The following OS9 variants were observed in gnomAD, a reference collection of about 807,000 sequenced individuals.
OS9 encodes the protein OS9 endoplasmic reticulum lectin, also known as protein OS-9.
OS9 carries 58 observed loss-of-function variants against 84.7 expected under a neutral mutation model. The observed-to-expected ratio is 0.68, with a 90% confidence interval of 0.55 to 0.85. The LOEUF (loss-of-function observed/expected upper bound fraction) is 0.85, where lower values mean the gene tolerates loss of function less well. Among genes scored for constraint, OS9 ranks in the 40% least tolerant of loss-of-function variants. The pLI is 0.00. For missense variants in OS9, 760 were observed against 850.9 expected (o/e 0.89, Z 1.33); for synonymous variants, 278 against 320.8 (o/e 0.87, Z 1.43).
intron 7 of OS9, 36 bp downstream of exon 7, chr12:57,716,229 T>G: frequency 7.5e-7 from 1 of 1,331,768 alleles, no homozygotes; most frequent in Non-Finnish European, 1.1e-6. Flanking sequence ...TGAAACTCAC[T>G]TCCATTTCTT....
At chr12:57,713,905 C>T (rs1280011461) in intron 5 of OS9, among the ~76,000 whole-genome samples, 1 of 151,678 alleles carries the variant, frequency 6.6e-6, no homozygotes, top group African/African-American at 2.4e-5. Context: ...TGCTTGAGCC[C>T]TGGAAAGCCT....
At chr12:57,698,967 G>A (rs1455763218) in intron 5 of OS9, among the ~76,000 whole-genome samples, 2 of 152,200 alleles carry the variant, frequency 1.3e-5, no homozygotes, top group African/African-American at 4.8e-5. Context: ...AGCAAAGATT[G>A]AGAGCTCACT....
chr12:57,702,540 G>A (rs1401231334), intron 5 of OS9, among the ~76,000 whole-genome samples: 1 of 152,164 alleles, frequency 6.6e-6, no homozygotes, highest in African/African-American at 2.4e-5. Flanking sequence ...GATGAACATT[G>A]GTGTACAAGT....
At chr12:57,718,117 G>A in intron 10 of OS9, 29 bp from the exon 11 acceptor site, 1 of 1,604,356 alleles carries the variant, frequency 6.2e-7, no homozygotes, top group Non-Finnish European at 8.5e-7. Flanking sequence ...AACCCCAACT[G>A]TCTTTCTCCC....
intron 5 of OS9, among the ~76,000 whole-genome samples, chr12:57,697,483 T>C (rs1215765315): frequency 6.6e-6 from 1 of 152,210 alleles, no homozygotes; most frequent in Non-Finnish European, 1.5e-5. Flanking sequence ...TGGGATAGAA[T>C]CATGGATTAC....
chr12:57,696,466 G>GTT, intron 5 of OS9, 93 bp downstream of exon 5: 1 of 522,154 alleles, frequency 1.9e-6, no homozygotes, highest in Non-Finnish European at 3.4e-6. Context: ...GCGGGGGCGG[G>GTT]GGGGGTCCCC....
rs929269498 is a variant in OS9, at chr12:57,710,988, G to A, written c.580-4772G>A. Among the ~76,000 whole-genome samples the A allele has an allele frequency of 6.1e-5, 8 of 130,196 alleles. No individual in the cohort carries two copies. The South Asian group carries it at 1.2e-3, about 20-fold the overall frequency. 85.4% of individuals were successfully genotyped at this position (130,196 alleles called of 152,430 possible). Reference sequence around the variant, plus strand: ...CAGGAGGCAGAGGTTGCAGTGAGCCGAGATCACACCACTATGCTCCAGCCT... The same window carrying A: ...CAGGAGGCAGAGGTTGCAGTGAGCCAAGATCACACCACTATGCTCCAGCCT... On this transcript the variant is annotated intron_variant, in intron 5 of 14. Transcript: ENST00000315970.
At chr12:57,700,733 G>A (rs1390377211) in intron 5 of OS9, among the ~76,000 whole-genome samples, 2 of 151,590 alleles carry the variant, frequency 1.3e-5, no homozygotes, top group Admixed American at 6.6e-5. Context: ...GGATGTTAGC[G>A]GAAAGGAGGA....
At chr12:57,716,016 G>A in intron 6 of OS9, 46 bp downstream of exon 6, 1 of 1,600,266 alleles carries the variant, frequency 6.2e-7, no homozygotes, top group Non-Finnish European at 8.6e-7. Flanking sequence ...TACGGGGGCA[G>A]GGGGTGGCAA....
intron 5 of OS9, among the ~76,000 whole-genome samples, chr12:57,701,774 G>A (rs923782168): frequency 7.0e-6 from 1 of 142,956 alleles, no homozygotes; most frequent in African/African-American, 2.5e-5. Flanking sequence ...TGTTATTGGT[G>A]AATTCAATTT....
In OS9 at chr12:57,701,262, ATTTTTTTTTTTTTTTTT is replaced by A. The variant is rs556973162; in HGVS notation, c.579+4904_579+4920del. Among the ~76,000 whole-genome samples, 195 of 71,482 alleles carry A rather than the reference ATTTTTTTTTTTTTTTTT, an allele frequency of 2.7e-3. 1 individual carries two copies. The highest frequency in any genetic ancestry group is 0.014 in the South Asian group (22 of 1,584). The allele number at this position is 71,482 out of a possible 152,430, so 46.9% of individuals were successfully genotyped here. A position where few individuals can be genotyped will look rare whatever the true frequency, so the allele number is the denominator to read the frequency against. On this transcript the variant is annotated intron_variant, in intron 5 of 14. Coordinates refer to ENST00000315970, the MANE Select transcript of OS9 (RefSeq NM_006812.4). ...CATGACATGGAACTCTGGTTGAGTG[ATTTTTTTTTTTTTTTTT>A]TTTTTTTTTTTTTTGAGACAGAGTC...
intron 5 of OS9, among the ~76,000 whole-genome samples, chr12:57,706,680 C>T (rs1954177133): frequency 6.6e-6 from 1 of 151,274 alleles, no homozygotes; most frequent in African/African-American, 2.4e-5. Context: ...ACTCCTGTCT[C>T]TCAAAAAAAA....
intron 5 of OS9, among the ~76,000 whole-genome samples, chr12:57,700,020 G>T (rs368630734): frequency 6.6e-6 from 1 of 152,086 alleles, no homozygotes; most frequent in Non-Finnish European, 1.5e-5. Flanking sequence ...GCTTGAACCC[G>T]GGAGGCGGAG....
intron 5 of OS9, among the ~76,000 whole-genome samples, chr12:57,707,918 C>T (rs1954217543): frequency 6.7e-6 from 1 of 148,598 alleles, no homozygotes; most frequent in African/African-American, 2.4e-5. Flanking sequence ...CAGTGAGACC[C>T]TGTCTCTATG....
intron 5 of OS9, among the ~76,000 whole-genome samples, chr12:57,707,294 C>A (rs1954198912): frequency 6.6e-6 from 1 of 152,066 alleles, no homozygotes; most frequent in Non-Finnish European, 1.5e-5. Context: ...TAAAGAAATA[C>A]CTGTGACTGG....
At chr12:57,708,137 A>T (rs910256926) in intron 5 of OS9, among the ~76,000 whole-genome samples, 3 of 152,156 alleles carry the variant, frequency 2.0e-5, no homozygotes, top group African/African-American at 7.2e-5. Flanking sequence ...CTGAATAGGC[A>T]TAATCACATT....
chr12:57,701,937 C>T (rs1475822911), intron 5 of OS9, among the ~76,000 whole-genome samples: 4 of 152,088 alleles, frequency 2.6e-5, no homozygotes, highest in African/African-American at 9.7e-5. Flanking sequence ...GCTGGGACTA[C>T]AGGCGCCTGC....
At position 57,720,946 on chromosome 12, in the gene OS9, C is replaced by A; in HGVS notation, c.*37C>A. ...CACTTGACCCTTCACGGAATCCAGA[C>A]TCTTCCTGGACTGGCTTGCCTCCTC... On this transcript the variant is annotated 3_prime_UTR_variant, in exon 15 of 15. Transcript: ENST00000315970. The A allele has an allele frequency of 3.1e-6, 5 of 1,612,850 alleles. No homozygotes were observed. The highest frequency in any genetic ancestry group is 4.2e-6 in the Non-Finnish European group (5 of 1,179,106).
intron 2 of OS9, chr12:57,695,349 T>C: frequency 2.6e-6 from 1 of 384,098 alleles, no homozygotes. Context: ...GAGTGTAAAC[T>C]CCATGAGGTC....
Sources: allele counts gnomAD v4.1 joint callset (sites outside exome capture counted in the v4.1 genomes callset), GRCh38; gene constraint gnomAD v4.1.1; transcripts MANE v1.5; gene names NCBI Gene and HGNC (gene_info 2026-07-23, HGNC 2026-07-21).